Variants in MYOM1 observed in about 807,000 individuals in gnomAD.
The protein encoded by MYOM1 is myomesin 1.
Under a neutral mutation model 205.3 loss-of-function variants are expected in MYOM1, and 164 were observed. The ratio of observed to expected loss-of-function variants is 0.80; its 90% CI spans 0.70 to 0.91. The LOEUF is 0.91. Among genes scored for constraint, MYOM1 ranks in the 40% least tolerant of loss-of-function variants. The pLI is 0.00. For synonymous variants in MYOM1, 772 were observed against 789.4 expected, an observed-to-expected ratio of 0.98 and a Z score of 0.37; for missense variants, 2,011 against 2,127.3, an observed-to-expected ratio of 0.95 and a Z score of 1.08.
At chr18:3,234,622 G>C in the MYOM1 span, among the ~76,000 whole-genome samples, 2 of 152,148 alleles carry the variant, frequency 1.3e-5, no homozygotes, top group East Asian at 3.9e-4. Flanking sequence ...ACAGTGAGGA[G>C]TGGGCGGCGA....
At position 3,102,163 on chromosome 18, in the gene MYOM1, G is replaced by A. The variant is rs34543748; in HGVS notation, c.3575+311C>T. On this transcript the variant is annotated intron_variant, in intron 23 of 37. Coordinates refer to ENST00000356443, the MANE Select transcript of MYOM1 (RefSeq NM_003803.4). Reference sequence around the variant, plus strand: ...ACTACAGGCACCCACCACCACACCCGGCTAATTTTTTTTTGTATTTTTAGC... The same window carrying A: ...ACTACAGGCACCCACCACCACACCCAGCTAATTTTTTTTTGTATTTTTAGC... Among the ~76,000 whole-genome samples the A allele has an allele frequency of 0.041, 6,231 of 151,544 alleles. 195 individuals carry two copies. The highest frequency in any genetic ancestry group is 0.061 in the Non-Finnish European group (4,171 of 67,886).
intron 5 of MYOM1, among the ~76,000 whole-genome samples, chr18:3,184,176 G>A (rs953380773): frequency 2.0e-5 from 3 of 152,130 alleles, no homozygotes; most frequent in Non-Finnish European, 4.4e-5. Context: ...AAAGTGCTGG[G>A]ATTACAGGTG....
intron 22 of MYOM1, 77 bp from the exon 23 acceptor site, chr18:3,102,707 T>G: frequency 6.7e-7 from 1 of 1,487,312 alleles, no homozygotes; most frequent in Non-Finnish European, 9.1e-7. Flanking sequence ...TTGAGATTCT[T>G]TACTTTAACC....
chr18:3,134,544 A>G (rs2079924320), intron 16 of MYOM1, 106 bp downstream of exon 16: 2 of 1,279,622 alleles, frequency 1.6e-6, no homozygotes, highest in Non-Finnish European at 1.0e-6. Context: ...TCCAGCCAAA[A>G]AGTAAAATTT....
rs371259497 is a variant in MYOM1, at chr18:3,093,256, T to C, written c.3864+914A>G. Among the ~76,000 whole-genome samples the C allele has an allele frequency of 1.5e-3, 236 of 152,274 alleles. 3 individuals are homozygous for C. Among genetic ancestry groups the C allele is most frequent in the African/African-American group, 5.4e-3 (226 of 41,548 alleles). ...GCTACTAATGGCCACAAACCACACC[T>C]CCTCTGCCCTTTCAGTTTCCCATTT... On this transcript the variant is annotated intron_variant, in intron 26 of 37. Transcript: ENST00000356443.
intron 27 of MYOM1, 61 bp from the exon 28 acceptor site, chr18:3,089,657 G>A: frequency 1.5e-6 from 2 of 1,290,530 alleles, no homozygotes; most frequent in Non-Finnish European, 2.2e-6. Context: ...GCACATGTCA[G>A]CCACTGCACT....
intron 5 of MYOM1, among the ~76,000 whole-genome samples, chr18:3,180,612 C>T (rs1598747318): frequency 6.6e-6 from 1 of 152,104 alleles, no homozygotes; most frequent in Non-Finnish European, 1.5e-5. Context: ...GAGGTTAATC[C>T]ACACCCTGGG....
chr18:3,196,702 A>G (rs1434327375), intron 2 of MYOM1, among the ~76,000 whole-genome samples: 1 of 152,178 alleles, frequency 6.6e-6, no homozygotes, highest in East Asian at 1.9e-4. Flanking sequence ...ATATGTCTAC[A>G]GTTAACAGAT....
At chr18:3,167,194 G>T (rs2080483863) in intron 9 of MYOM1, among the ~76,000 whole-genome samples, 1 of 152,220 alleles carries the variant, frequency 6.6e-6, no homozygotes, top group Admixed American at 6.5e-5. Context: ...GTAGTGAAAA[G>T]ATGTCCAGGC....
intron 13 of MYOM1, among the ~76,000 whole-genome samples, chr18:3,142,513 C>G (rs1232806753): frequency 6.6e-6 from 1 of 152,104 alleles, no homozygotes; most frequent in Non-Finnish European, 1.5e-5. Flanking sequence ...TGAAGTGATC[C>G]TCCTGCCTTG....
At chr18:3,246,420 T>C in the MYOM1 span, 11 of 152,162 alleles carry the variant, frequency 7.2e-5, no homozygotes, top group Admixed American at 7.2e-4. Flanking sequence ...AATGACGCAA[T>C]TATTTTTATT....
chr18:3,146,248 C>A (rs1362354273), intron 13 of MYOM1, among the ~76,000 whole-genome samples: 1 of 152,000 alleles, frequency 6.6e-6, no homozygotes. Context: ...AATGGTAATA[C>A]TTTCCACTCA....
chr18:3,209,403 A>G lies in MYOM1; in HGVS notation c.290+5531T>C, dbSNP rs1039788958. Among the ~76,000 whole-genome samples, 4 of 152,140 alleles carry G rather than the reference A, an allele frequency of 2.6e-5. No individual in the cohort carries two copies. The highest frequency in any genetic ancestry group is 2.1e-4 in the South Asian group (1 of 4,828). ...TGGACTACAGCACTAGCCTCCTAAC[A>G]AGGGAACTTGCTTCTGCAACAGTCA... is the stretch of plus-strand genomic sequence containing the variant. On this transcript the variant is annotated intron_variant, in intron 2 of 37. Coordinates refer to ENST00000356443, the MANE Select transcript of MYOM1 (RefSeq NM_003803.4). The surrounding 1 kb of genome is among the most constrained non-coding windows in gnomAD (Gnocchi z 4.0).
In MYOM1 at chr18:3,142,042, G is replaced by A. The variant is rs138431527; in HGVS notation, c.1922C>T (p.Pro641Leu). The A allele has an allele frequency of 9.3e-6, 15 of 1,613,544 alleles. No homozygotes were observed. The highest frequency in any genetic ancestry group is 2.2e-5 in the South Asian group (2 of 91,062). ...GGCCTCAGTGACAGAGAGGTCTGTC[G>A]GGGGGCCAGGCACAATACCCTCTGA... ...EPSEGIVPGP[P>L]TDLSVTEATR... The change falls in exon 14 of 38, where the codon CCG becomes CTG. Residue 641 changes from proline to leucine, a missense_variant. Transcript: ENST00000356443.
chr18:3,226,851 T>G, the MYOM1 span, among the ~76,000 whole-genome samples: 1 of 152,122 alleles, frequency 6.6e-6, no homozygotes, highest in South Asian at 2.1e-4. The surrounding 1 kb of genome is among the most constrained non-coding windows in gnomAD (Gnocchi z 4.6). Flanking sequence ...AGGGACTCCT[T>G]AGAGATGGGA....
rs1042376495 is a variant in MYOM1 at position 3,142,013 on chromosome 18, G to A, written c.1951C>T (p.Arg651Trp). The change falls in exon 14 of 38, where the codon CGG becomes TGG. Residue 651 changes from arginine to tryptophan, a missense_variant. Transcript: ENST00000356443. ...TTCCAGCTGAGCACCACATAGCTCC[G>A]GGTGGCCTCAGTGACAGAGAGGTCT... ...PTDLSVTEAT[R>W]SYVVLSWKPP... 27 of 1,613,562 alleles carry A rather than the reference G, an allele frequency of 1.7e-5. No homozygotes were observed. The highest frequency in any genetic ancestry group is 5.3e-5 in the African/African-American group (4 of 74,830).
At chr18:3,185,064 G>A (rs1159813404) in intron 5 of MYOM1, among the ~76,000 whole-genome samples, 1 of 152,240 alleles carries the variant, frequency 6.6e-6, no homozygotes, top group Non-Finnish European at 1.5e-5. Context: ...AGGGTTGACA[G>A]TTTGGTCATC....
rs758047455 is a variant in MYOM1 at position 3,102,541 on chromosome 18, A to T, written c.3508T>A (p.Ser1170Thr). 3 of 1,613,948 alleles carry T rather than the reference A, an allele frequency of 1.9e-6. No homozygotes were observed. The highest frequency in any genetic ancestry group is 1.7e-5 in the Admixed American group (1 of 60,016). The part of the protein sequence containing the change: ...CDKMTPKSEF[S>T]WSKDYVSTED... ...GTGGATACATAATCTTTGGACCAGG[A>T]GAACTCGGACTTTGGAGTCATCTTA... Residue 1170 changes from serine (S) to threonine (T), a missense_variant, in exon 23 of 38, where the codon TCC (serine) becomes ACC (threonine). Ser to Thr is a moderately conservative substitution (Grantham distance 58). Coordinates refer to ENST00000356443, the MANE Select transcript of MYOM1 (RefSeq NM_003803.4).
At chr18:3,153,030 GC>G (rs1388521436) in intron 11 of MYOM1, among the ~76,000 whole-genome samples, 1 of 152,134 alleles carries the variant, frequency 6.6e-6, no homozygotes, top group Non-Finnish European at 1.5e-5. Flanking sequence ...GGGAGGTGGG[GC>G]TGTGGCAGAA....
Sources: gnomAD v4.1 joint callset for allele counts (sites outside exome capture counted in the v4.1 genomes callset) on GRCh38, gnomAD v4.1.1 for gene constraint, Gnocchi (gnomAD v3.1) non-coding constraint, MANE v1.5 for transcripts, NCBI Gene and HGNC (gene_info 2026-07-23, HGNC 2026-07-21) for gene names.